DNAH17: variants seen among roughly 807,000 people sequenced by gnomAD.
DNAH17 encodes axonemal beta dynein heavy chain 17.
Under a neutral mutation model 485.6 loss-of-function variants are expected in DNAH17, and 376 were observed. The ratio of observed to expected loss-of-function variants is 0.77; its 90% CI spans 0.71 to 0.84. DNAH17 has a LOEUF of 0.84. Ranked by LOEUF, DNAH17 falls within the 40% of genes least tolerant of loss-of-function variation. The pLI, the probability that DNAH17 is intolerant of heterozygous loss-of-function variation, is 0.00. For missense variants in DNAH17, 6,370 were observed against 5,839.3 expected, an observed-to-expected ratio of 1.09 and a Z score of -2.96; for synonymous variants, 3,031 against 2,405.9, an observed-to-expected ratio of 1.26 and a Z score of -7.60.
At chr17:78,540,360 G>A (rs1314504692) in intron 17 of DNAH17, among the ~76,000 whole-genome samples, 2 of 141,368 alleles carry the variant, frequency 1.4e-5, no homozygotes, top group African/African-American at 5.3e-5. Flanking sequence ...TGGGTGGATG[G>A]ACAGATGAAT....
In DNAH17 at chr17:78,450,953, G is replaced by C; in HGVS notation, c.10735-107C>G. ...CTGAGCCAAGGCCCAGGCTTTGAGC[G>C]GGAGGAACGAGCTCAGGTCCTGGAA... is the stretch of plus-strand genomic sequence containing the variant. On this transcript the variant is annotated intron_variant, in intron 66 of 80. Coordinates refer to ENST00000389840, the MANE Select transcript of DNAH17 (RefSeq NM_173628.4). 2.8e-6 allele frequency: 4 copies of C among 1,406,772 alleles called. No homozygotes were observed. In the South Asian group the frequency reaches 5.2e-5, roughly 18 times the overall value. The allele number at this position is 1,406,772 out of a possible 1,614,324, so 87.1% of individuals were successfully genotyped here.
chr17:78,555,318 G>A (rs989564123), intron 14 of DNAH17, among the ~76,000 whole-genome samples: 1 of 152,084 alleles, frequency 6.6e-6, no homozygotes, highest in Non-Finnish European at 1.5e-5. Context: ...CACCCTACGT[G>A]AGAGAATCTC....
chr17:78,526,938 A>G lies in DNAH17; in HGVS notation c.3566T>C (p.Val1189Ala), dbSNP rs1408360374. 1.3e-6 allele frequency: 2 copies of G among 1,588,704 alleles called. No individual in the cohort carries two copies. The change falls in exon 23 of 81, where the codon GTG becomes GCG. Residue 1189 changes from valine to alanine, a missense_variant. Transcript: ENST00000389840. ...GACCTCGTTGGCCTGGAGTGGTGCC[A>G]CGGTCAGCTTCACCTGAATGGCCAG... ...KKLAIQVKLT[V>A]APLQANEVSI...
chr17:78,505,063 C>A (rs868639979), intron 31 of DNAH17, among the ~76,000 whole-genome samples: 3 of 152,142 alleles, frequency 2.0e-5, no homozygotes, highest in Admixed American at 1.3e-4. Flanking sequence ...TTTCCCCTCC[C>A]CTTTCTCCCT....
In DNAH17 at chr17:78,445,293, C is replaced by T. The variant is rs891925145; in HGVS notation, c.11334+265G>A. ...TAAGAGGCCCTGAGGCCTCTTCTGGCCCCCAGAGGATATCACTCTCTGCTT... is the reference window on the plus strand; with the variant it reads ...TAAGAGGCCCTGAGGCCTCTTCTGGTCCCCAGAGGATATCACTCTCTGCTT... On this transcript the variant is annotated intron_variant, in intron 70 of 80. Coordinates refer to ENST00000389840, the MANE Select transcript of DNAH17 (RefSeq NM_173628.4). Among the ~76,000 whole-genome samples, 3 of 151,092 alleles carry T rather than the reference C, an allele frequency of 2.0e-5. No individual in the cohort carries two copies. In the East Asian group the frequency reaches 5.8e-4, roughly 29 times the overall value.
chr17:78,453,528 C>T (rs2087648000), intron 64 of DNAH17, 63 bp from the exon 65 acceptor site: 4 of 1,592,924 alleles, frequency 2.5e-6, no homozygotes, highest in East Asian at 4.5e-5. Context: ...GGTGCGCACG[C>T]TCCGACCAGC....
At chr17:78,431,045 A>AT (rs141410692) in intron 75 of DNAH17, among the ~76,000 whole-genome samples, 24,784 of 147,974 alleles carry the variant, frequency 0.17, 2,172 homozygotes, top group Middle Eastern at 0.24. Flanking sequence ...TGCCAGACTA[A>AT]TTTTTTTATT....
At chr17:78,568,754 C>T (rs1044388614) in intron 9 of DNAH17, among the ~76,000 whole-genome samples, 1 of 152,182 alleles carries the variant, frequency 6.6e-6, no homozygotes, top group African/African-American at 2.4e-5. Flanking sequence ...CTGGGCCATG[C>T]ACCATTTTTA....
intron 54 of DNAH17, among the ~76,000 whole-genome samples, chr17:78,471,259 G>A (rs1042170104): frequency 3.3e-5 from 5 of 152,290 alleles, no homozygotes; most frequent in African/African-American, 9.6e-5. Context: ...GGGGTCAGAA[G>A]CCAGCCTCAA....
At chr17:78,469,198 G>C (rs889188287) in intron 54 of DNAH17, among the ~76,000 whole-genome samples, 1 of 152,006 alleles carries the variant, frequency 6.6e-6, no homozygotes, top group Non-Finnish European at 1.5e-5. Context: ...CTGGAGTGCA[G>C]TGATGCAATC....
Position 78,454,455 on chromosome 17 carries a change from T to G in DNAH17, c.10406+15A>C, listed in dbSNP as rs751087437. 7.5e-6 allele frequency: 12 copies of G among 1,598,894 alleles called. No homozygotes were observed. The East Asian group carries it at 2.7e-4, about 36-fold the overall frequency. On this transcript the variant is annotated intron_variant, in intron 64 of 80. Coordinates refer to ENST00000389840, the MANE Select transcript of DNAH17 (RefSeq NM_173628.4). ...CAGAGCCGGGCTTCGGCCCAGGTCC[T>G]GCGCCCGCACACACCTCTTCTGTCC...
chr17:78,571,096 G>A, intron 5 of DNAH17, 63 bp from the exon 6 acceptor site: 2 of 1,464,804 alleles, frequency 1.4e-6, no homozygotes, highest in Non-Finnish European at 9.4e-7. Flanking sequence ...AAACGATGAG[G>A]GTGCGGCTCC....
intron 3 of DNAH17, 61 bp downstream of exon 3, chr17:78,572,640 G>C: frequency 7.6e-7 from 1 of 1,317,636 alleles, no homozygotes; most frequent in Non-Finnish European, 1.0e-6. Context: ...GTGGGGGGTG[G>C]GGGTCAAGCA....
At chr17:78,426,412 C>T (rs761460473) in intron 79 of DNAH17, 45 bp downstream of exon 79, 23 of 1,530,584 alleles carry the variant, frequency 1.5e-5, no homozygotes, top group Admixed American at 2.1e-5. Context: ...TCTGGGCACT[C>T]GGTCCCCGAG....
chr17:78,547,708 C>G (rs1432904107), intron 16 of DNAH17, among the ~76,000 whole-genome samples: 2 of 151,894 alleles, frequency 1.3e-5, no homozygotes, highest in African/African-American at 4.8e-5. Context: ...ACCTCCACCT[C>G]CCAGGTTCAA....
intron 25 of DNAH17, among the ~76,000 whole-genome samples, chr17:78,518,788 T>C (rs1260804459): frequency 1.3e-5 from 2 of 152,120 alleles, no homozygotes; most frequent in Non-Finnish European, 1.5e-5. Flanking sequence ...TAATGAAAGT[T>C]ATATACAGTG....
In DNAH17 at chr17:78,505,098, T is replaced by C. The variant is rs570283408; in HGVS notation, c.4956+195A>G. Among the ~76,000 whole-genome samples, 46 of 152,014 alleles carry C rather than the reference T, an allele frequency of 3.0e-4. 1 individual carries two copies. Among genetic ancestry groups the C allele is most frequent in the Admixed American group, 1.9e-3 (29 of 15,262 alleles). The stretch of plus-strand genomic sequence containing the variant: ...TAAGGATACACTGGTGCTATATGGG[T>C]AAGGCTGGGCTGGAAATTCTATAAA... On this transcript the variant is annotated intron_variant, in intron 31 of 80. Coordinates refer to ENST00000389840, the MANE Select transcript of DNAH17 (RefSeq NM_173628.4).
intron 3 of DNAH17, among the ~76,000 whole-genome samples, 177 bp downstream of exon 3, chr17:78,572,524 T>C (rs1219904055): frequency 6.6e-6 from 1 of 151,782 alleles, no homozygotes; most frequent in Non-Finnish European, 1.5e-5. Flanking sequence ...TTCAACTTCC[T>C]CAGTCTCAGC....
At chr17:78,539,216 C>T (rs186318730) in intron 18 of DNAH17, among the ~76,000 whole-genome samples, 23 of 151,974 alleles carry the variant, frequency 1.5e-4, no homozygotes, top group African/African-American at 3.6e-4. Context: ...GGCAACAGAG[C>T]GGGACTCTGT....
Sources: allele counts gnomAD v4.1 joint callset (sites outside exome capture counted in the v4.1 genomes callset), GRCh38; gene constraint gnomAD v4.1.1; transcripts MANE v1.5; gene names NCBI Gene and HGNC (gene_info 2026-07-23, HGNC 2026-07-21).